The following COLGALT2 variants were observed in gnomAD, a reference collection of about 807,000 sequenced individuals.
The protein encoded by COLGALT2 is collagen beta(1-O)galactosyltransferase 2.
Under a neutral mutation model 73.4 loss-of-function variants are expected in COLGALT2, and 49 were observed. The ratio of observed to expected loss-of-function variants is 0.67; its 90% CI spans 0.53 to 0.85. COLGALT2 has a LOEUF of 0.85. Among genes scored for constraint, COLGALT2 ranks in the 40% least tolerant of loss-of-function variants. COLGALT2 has a pLI of 0.00. For missense variants in COLGALT2, 722 were observed against 790.2 expected (o/e 0.91, Z 1.03); for synonymous variants, 295 against 307.6 (o/e 0.96, Z 0.43).
At chr1:183,994,205 A>T (rs1671710431) in intron 1 of COLGALT2, among the ~76,000 whole-genome samples, 1 of 150,532 alleles carries the variant, frequency 6.6e-6, no homozygotes, top group Non-Finnish European at 1.5e-5. Context: ...CACTCTACTA[A>T]TTTTTTGTAT....
chr1:184,031,775 G>A (rs185155580), intron 1 of COLGALT2, among the ~76,000 whole-genome samples: 1 of 152,204 alleles, frequency 6.6e-6, no homozygotes, highest in Non-Finnish European at 1.5e-5. Context: ...GAGTAAATCA[G>A]TTTTGATACC....
rs373231084 is a variant in COLGALT2 at position 183,936,669 on chromosome 1, C to A, written c.*2092G>T. On this transcript the variant is annotated 3_prime_UTR_variant, in exon 12 of 12. Coordinates refer to ENST00000361927, the MANE Select transcript of COLGALT2 (RefSeq NM_015101.4). ...ACACACTCAAATATGAAAACAAAAA[C>A]CAGATACCCAAGGAAATCTTAGGAA... 8.2e-7 allele frequency: 1 copy of A among 1,226,212 alleles called. No homozygotes were observed. Among genetic ancestry groups the A allele is most frequent in the African/African-American group, 1.6e-5 (1 of 64,310 alleles). 76.0% of individuals were successfully genotyped at this position (1,226,212 alleles called of 1,614,324 possible).
chr1:183,997,070 C>T lies in COLGALT2; in HGVS notation c.264-18550G>A, dbSNP rs746997075. Among the ~76,000 whole-genome samples, 39 of 152,196 alleles carry T rather than the reference C, an allele frequency of 2.6e-4. 1 individual carries two copies. Among genetic ancestry groups the T allele is most frequent in the Admixed American group, 2.6e-3 (39 of 15,290 alleles). On this transcript the variant is annotated intron_variant, in intron 1 of 11. Coordinates refer to ENST00000361927, the MANE Select transcript of COLGALT2 (RefSeq NM_015101.4). The stretch of plus-strand genomic sequence containing the variant: ...AGGCAGTGTAAAAAGCTCTATAGAA[C>T]AAGAGGCTTAAGGTCTGGCCACAAG...
chr1:183,956,117 G>A (rs1168437255), intron 6 of COLGALT2, among the ~76,000 whole-genome samples: 1 of 152,178 alleles, frequency 6.6e-6, no homozygotes, highest in Non-Finnish European at 1.5e-5. Context: ...CAAGAAATAA[G>A]CCATTGTTGT....
At chr1:183,994,183 C>T (rs1167577745) in intron 1 of COLGALT2, among the ~76,000 whole-genome samples, 1 of 150,856 alleles carries the variant, frequency 6.6e-6, no homozygotes, top group East Asian at 2.0e-4. Context: ...GGACTACAGG[C>T]ACCCGCCACC....
At chr1:183,940,467 A>T (rs1670076246) in intron 11 of COLGALT2, 114 bp downstream of exon 11, 3 of 947,494 alleles carry the variant, frequency 3.2e-6, no homozygotes, top group Non-Finnish European at 5.0e-6. Flanking sequence ...TTATGAGAAG[A>T]TCATTTAGGA....
chr1:184,028,923 T>C (rs559859466), intron 1 of COLGALT2, among the ~76,000 whole-genome samples: 203 of 152,314 alleles, frequency 1.3e-3, no homozygotes, highest in African/African-American at 4.6e-3. Context: ...CTTGCTGAAT[T>C]TGACAAACAA....
At chr1:184,012,630 A>G (rs187727236) in intron 1 of COLGALT2, among the ~76,000 whole-genome samples, 3 of 152,332 alleles carry the variant, frequency 2.0e-5, no homozygotes, top group Admixed American at 6.5e-5. Context: ...TTTCAAAGGC[A>G]GTCTATTCCT....
chr1:184,001,383 T>C (rs1348807553), intron 1 of COLGALT2, among the ~76,000 whole-genome samples: 3 of 152,206 alleles, frequency 2.0e-5, no homozygotes, highest in African/African-American at 7.2e-5. Flanking sequence ...TTTATAGATT[T>C]TGGAAAATTC....
At chr1:183,971,803 G>T (rs970502416) in intron 4 of COLGALT2, among the ~76,000 whole-genome samples, 4 of 152,136 alleles carry the variant, frequency 2.6e-5, no homozygotes, top group African/African-American at 9.7e-5. Flanking sequence ...CAAAAATCAC[G>T]TTAATCCCCA....
intron 6 of COLGALT2, among the ~76,000 whole-genome samples, chr1:183,957,800 T>C (rs935007834): frequency 3.3e-5 from 5 of 149,446 alleles, no homozygotes; most frequent in Admixed American, 6.7e-5. Context: ...TTTTTTTTTT[T>C]ACAAATAAAG....
rs184819116 is a variant in COLGALT2, at chr1:183,983,766, G to T, written c.264-5246C>A. 6.6e-5 allele frequency among the ~76,000 whole-genome samples: 10 copies of T among 152,306 alleles called. No homozygotes were observed. In the East Asian group the frequency reaches 1.7e-3, roughly 26 times the overall value. ...CAGTGGCCCCTCTCTCAGTCTGAAG[G>T]CTCCTTGGAAAATGAGTACTGCCTC... On this transcript the variant is annotated intron_variant, in intron 1 of 11. Transcript: ENST00000361927.
chr1:183,946,033 C>T (rs1670241129), intron 8 of COLGALT2: 1 of 155,016 alleles, frequency 6.5e-6, no homozygotes, highest in Non-Finnish European at 1.4e-5. Flanking sequence ...ACCCCACCAA[C>T]CCAGAAGCCA....
chr1:184,027,822 C>T (rs148799723), intron 1 of COLGALT2, among the ~76,000 whole-genome samples: 1 of 152,320 alleles, frequency 6.6e-6, no homozygotes, highest in Non-Finnish European at 1.5e-5. Context: ...TGAGGAAAGG[C>T]AGAGAAGAGG....
chr1:184,001,217 T>A (rs1459736639), intron 1 of COLGALT2, among the ~76,000 whole-genome samples: 1 of 152,206 alleles, frequency 6.6e-6, no homozygotes, highest in Non-Finnish European at 1.5e-5. Flanking sequence ...TTTTTGGTAA[T>A]CTATCCTTTC....
chr1:183,998,512 A>G (rs1430349296), intron 1 of COLGALT2, among the ~76,000 whole-genome samples: 2 of 152,134 alleles, frequency 1.3e-5, no homozygotes, highest in Admixed American at 6.5e-5. Flanking sequence ...TTTGATAGAA[A>G]GTCCCCTCAT....
intron 10 of COLGALT2, among the ~76,000 whole-genome samples, chr1:183,943,953 C>A (rs993617365): frequency 1.3e-5 from 2 of 152,212 alleles, no homozygotes; most frequent in African/African-American, 4.8e-5. Context: ...GGTCCCTGAT[C>A]TGCAGGCCGA....
At chr1:183,930,499 C>T (rs1297490420) in intron 11 of COLGALT2, among the ~76,000 whole-genome samples, 1 of 151,908 alleles carries the variant, frequency 6.6e-6, no homozygotes, top group Non-Finnish European at 1.5e-5. Context: ...AGCGATTCTC[C>T]AACCTCAGCC....
At chr1:183,968,560 A>G (rs1008341508) in intron 5 of COLGALT2, among the ~76,000 whole-genome samples, 5 of 152,216 alleles carry the variant, frequency 3.3e-5, no homozygotes, top group Non-Finnish European at 7.3e-5. Context: ...CAGTGCATGC[A>G]TGCAGAGAAT....
Sources: gnomAD v4.1 joint callset for allele counts (sites outside exome capture counted in the v4.1 genomes callset) on GRCh38, gnomAD v4.1.1 for gene constraint, MANE v1.5 for transcripts, NCBI Gene and HGNC (gene_info 2026-07-23, HGNC 2026-07-21) for gene names.